Variants in DNAJC1 observed in about 807,000 individuals in gnomAD.
DNAJC1 encodes the protein dnaJ homolog subfamily C member 1.
DNAJC1 carries 58 observed loss-of-function variants against 76.6 expected under a neutral mutation model. The ratio of observed to expected loss-of-function variants is 0.76; its 90% CI spans 0.61 to 0.94. The LOEUF is 0.94. Among genes scored for constraint, DNAJC1 ranks in the 40% least tolerant of loss-of-function variants. The pLI is 0.00. For synonymous variants in DNAJC1, 258 were observed against 267.9 expected, an observed-to-expected ratio of 0.96 and a Z score of 0.36; for missense variants, 689 against 677.3, an observed-to-expected ratio of 1.02 and a Z score of -0.19.
intron 9 of DNAJC1, among the ~76,000 whole-genome samples, chr10:21,796,240 G>A (rs1445039872): frequency 2.6e-5 from 4 of 152,094 alleles, no homozygotes; most frequent in Non-Finnish European, 4.4e-5. Flanking sequence ...AAAGTGCTAG[G>A]ATTACAGGTG....
In DNAJC1 at chr10:21,792,758, C is replaced by CAA. The variant is rs1287180845; in HGVS notation, c.1098+13220_1098+13221dup. ...TGGGTGACAGAGTGAGACAACACCT[C>CAA]AAAAAAAAAAAAAAAAAAATTAGCT... On this transcript the variant is annotated intron_variant, in intron 9 of 11. Coordinates refer to ENST00000376980, the MANE Select transcript of DNAJC1 (RefSeq NM_022365.4). Among the ~76,000 whole-genome samples the CAA allele has an allele frequency of 6.9e-3, 454 of 65,748 alleles. 8 individuals are homozygous for CAA. Among genetic ancestry groups the CAA allele is most frequent in the African/African-American group, 0.02 (443 of 22,102 alleles). The allele number at this position is 65,748 out of a possible 152,430, so 43.1% of individuals were successfully genotyped here.
chr10:21,984,323 C>T (rs2131840494), intron 1 of DNAJC1, among the ~76,000 whole-genome samples: 2 of 152,260 alleles, frequency 1.3e-5, no homozygotes, highest in East Asian at 3.9e-4. Context: ...AGAAGTAAAG[C>T]AGTTCCAGGG....
At chr10:21,856,389 C>T (rs1835832858) in intron 8 of DNAJC1, among the ~76,000 whole-genome samples, 2 of 152,060 alleles carry the variant, frequency 1.3e-5, no homozygotes, top group Admixed American at 6.6e-5. Context: ...AGGATATTTA[C>T]ATCTATTGTT....
chr10:21,917,584 G>A (rs1210644673), intron 6 of DNAJC1, among the ~76,000 whole-genome samples: 1 of 151,952 alleles, frequency 6.6e-6, no homozygotes, highest in Non-Finnish European at 1.5e-5. Context: ...ACATACCAGT[G>A]TGATAAAGAC....
intron 1 of DNAJC1, among the ~76,000 whole-genome samples, chr10:21,977,410 A>C (rs559312608): frequency 2.1e-4 from 32 of 152,336 alleles, no homozygotes; most frequent in South Asian, 1.9e-3. Context: ...CTTATTTTGT[A>C]GACATCCACG....
chr10:21,795,230 A>G (rs1834738075), intron 9 of DNAJC1, among the ~76,000 whole-genome samples: 1 of 152,240 alleles, frequency 6.6e-6, no homozygotes, highest in Non-Finnish European at 1.5e-5. Flanking sequence ...TAACAGCACC[A>G]AAGTGGAAAT....
At chr10:21,794,475 C>A (rs976390643) in intron 9 of DNAJC1, among the ~76,000 whole-genome samples, 1 of 151,950 alleles carries the variant, frequency 6.6e-6, no homozygotes, top group Non-Finnish European at 1.5e-5. Context: ...GCAGTTCTCT[C>A]CAAATTGATC....
At chr10:21,831,685 G>A (rs1486693694) in intron 8 of DNAJC1, among the ~76,000 whole-genome samples, 2 of 151,336 alleles carry the variant, frequency 1.3e-5, no homozygotes, top group Non-Finnish European at 2.9e-5. Context: ...AGCTACTCAG[G>A]AGGCTGAGGC....
chr10:21,983,479 C>G (rs1474478662), intron 1 of DNAJC1, among the ~76,000 whole-genome samples: 1 of 152,100 alleles, frequency 6.6e-6, no homozygotes, highest in Non-Finnish European at 1.5e-5. Context: ...AATACCAGCA[C>G]TTTGGGAAGC....
At chr10:21,855,151 A>C (rs1835814376) in intron 8 of DNAJC1, among the ~76,000 whole-genome samples, 1 of 152,206 alleles carries the variant, frequency 6.6e-6, no homozygotes, top group Non-Finnish European at 1.5e-5. Context: ...ATACTGACGG[A>C]GTTAAAATAG....
intron 7 of DNAJC1, among the ~76,000 whole-genome samples, chr10:21,888,648 T>C (rs1259126155): frequency 1.3e-5 from 2 of 152,222 alleles, no homozygotes; most frequent in Non-Finnish European, 2.9e-5. Context: ...AGCTGGAGGC[T>C]GTTATCCTTA....
At chr10:21,858,811 G>C (rs977618401) in intron 8 of DNAJC1, among the ~76,000 whole-genome samples, 2 of 152,100 alleles carry the variant, frequency 1.3e-5, no homozygotes, top group African/African-American at 4.8e-5. Flanking sequence ...TTTTAAAAGA[G>C]TTTATTTGTT....
chr10:21,807,033 G>C (rs1432762047), intron 8 of DNAJC1, among the ~76,000 whole-genome samples: 1 of 152,012 alleles, frequency 6.6e-6, no homozygotes, highest in East Asian at 1.9e-4. Flanking sequence ...CTTTAGTACT[G>C]AACTATTCTC....
At chr10:21,852,964 T>C (rs1179522629) in intron 8 of DNAJC1, among the ~76,000 whole-genome samples, 1 of 152,196 alleles carries the variant, frequency 6.6e-6, no homozygotes, top group African/African-American at 2.4e-5. Flanking sequence ...CTGAATTTTA[T>C]TTCTGCATCA....
intron 8 of DNAJC1, among the ~76,000 whole-genome samples, chr10:21,862,667 G>A (rs529790999): frequency 1.3e-5 from 2 of 151,994 alleles, no homozygotes; most frequent in East Asian, 3.9e-4. Context: ...GATCTCAGGT[G>A]ATCCAACTGC....
chr10:21,777,152 G>A (rs1028218374), intron 9 of DNAJC1, among the ~76,000 whole-genome samples: 3 of 152,118 alleles, frequency 2.0e-5, no homozygotes, highest in Non-Finnish European at 4.4e-5. Context: ...ATCATTAATA[G>A]TATTCAAAGT....
At chr10:21,860,488 C>A (rs921741744) in intron 8 of DNAJC1, among the ~76,000 whole-genome samples, 1 of 152,050 alleles carries the variant, frequency 6.6e-6, no homozygotes, top group East Asian at 1.9e-4. Context: ...GTCAGGAGTT[C>A]GAGACCAGCC....
At chr10:21,962,455 ATTGCTTTTTT>A (rs1463207831) in intron 1 of DNAJC1, among the ~76,000 whole-genome samples, 1 of 67,068 alleles carries the variant, frequency 1.5e-5, no homozygotes, top group Non-Finnish European at 2.9e-5. Flanking sequence ...TTGCTATTTT[ATTGCTTTTTT>A]TTTTTTTTTT....
chr10:21,829,734 T>C (rs945989199), intron 8 of DNAJC1, among the ~76,000 whole-genome samples: 2 of 152,278 alleles, frequency 1.3e-5, no homozygotes, highest in African/African-American at 4.8e-5. Context: ...TTTCATTCTT[T>C]TAATTTGACA....
Sources: gnomAD v4.1 joint callset for allele counts (sites outside exome capture counted in the v4.1 genomes callset) on GRCh38, gnomAD v4.1.1 for gene constraint, MANE v1.5 for transcripts, NCBI Gene and HGNC (gene_info 2026-07-23, HGNC 2026-07-21) for gene names.